Variants in UST observed in about 807,000 individuals in gnomAD.
The protein encoded by UST is uronyl 2-sulfotransferase.
In UST, 21 loss-of-function variants were observed where a neutral mutation model predicts 45.6. The ratio of observed to expected loss-of-function variants is 0.46; its 90% confidence interval spans 0.33 to 0.66. The LOEUF is 0.66. Ranked by LOEUF, UST falls within the 30% of genes least tolerant of loss-of-function variation. The probability of loss-of-function intolerance (pLI) is 0.02; values close to 1 mark genes in which losing one functional copy is unlikely to be tolerated. For synonymous variants in UST, 215 were observed against 200.6 expected (o/e 1.07, Z -0.61); for missense variants, 463 against 512.4 (o/e 0.90, Z 0.93).
In UST at chr6:148,747,688, T is replaced by C. The variant is rs770799676; in HGVS notation, c.247+11T>C. The stretch of plus-strand genomic sequence containing the variant: ...TGCGGCAGTACTTGGGTAAGGAAGC[T>C]GGGCAGGCGCTAGGGCGGCGCCGAC... On this transcript the variant is annotated intron_variant, in intron 1 of 7. Transcript: ENST00000367463. The C allele has an allele frequency of 5.0e-6, 8 of 1,586,154 alleles. No homozygotes were observed. In the East Asian group the frequency reaches 1.2e-4, roughly 23 times the overall value.
intron 2 of UST, among the ~76,000 whole-genome samples, chr6:148,899,235 G>A (rs1193462228): frequency 6.7e-6 from 1 of 150,074 alleles, no homozygotes; most frequent in Non-Finnish European, 1.5e-5. Flanking sequence ...AAGTAGCTGG[G>A]ACTACAGGCA....
intron 1 of UST, among the ~76,000 whole-genome samples, chr6:148,827,654 G>A (rs570893960): frequency 5.3e-5 from 8 of 149,578 alleles, no homozygotes; most frequent in Admixed American, 4.7e-4. Flanking sequence ...CTCCCGAAGA[G>A]AGGATTCAGT....
At chr6:148,759,553 AAAAT>A (rs1776166389) in intron 1 of UST, among the ~76,000 whole-genome samples, 1 of 145,640 alleles carries the variant, frequency 6.9e-6, no homozygotes, top group Admixed American at 6.9e-5. Flanking sequence ...TAAAAATAAA[AAAAT>A]AAAAGAATGC....
At chr6:149,072,472 G>T (rs1011160635) in intron 7 of UST, among the ~76,000 whole-genome samples, 1 of 151,996 alleles carries the variant, frequency 6.6e-6, no homozygotes, top group African/African-American at 2.4e-5. Flanking sequence ...TGACCAACAT[G>T]GAGAAACCCC....
At chr6:148,788,009 T>C (rs113015584) in intron 1 of UST, among the ~76,000 whole-genome samples, 2,513 of 152,310 alleles carry the variant, frequency 0.016, 34 homozygotes, top group Non-Finnish European at 0.026. Context: ...GATAAAGATG[T>C]ACCCGAGACT....
intron 4 of UST, among the ~76,000 whole-genome samples, chr6:148,959,929 A>G (rs149030845): frequency 6.6e-6 from 1 of 151,898 alleles, no homozygotes; most frequent in Non-Finnish European, 1.5e-5. Flanking sequence ...CCTCCCCACC[A>G]TGCTGGCCCC....
rs934725867 is a variant in UST at position 148,998,677 on chromosome 6, C to T, written c.682-20462C>T. Among the ~76,000 whole-genome samples the T allele has an allele frequency of 2.0e-5, 3 of 152,210 alleles. No homozygotes were observed. The East Asian group carries it at 5.8e-4, about 29-fold the overall frequency. On this transcript the variant is annotated intron_variant, in intron 5 of 7. Coordinates refer to ENST00000367463, the MANE Select transcript of UST (RefSeq NM_005715.3). ...TAGCGGGTAGGGATGCGGGCCCATCCATAAACCCGACCTCCTGCTTATTTT... is the reference window on the plus strand; with the variant it reads ...TAGCGGGTAGGGATGCGGGCCCATCTATAAACCCGACCTCCTGCTTATTTT...
chr6:148,784,469 G>A (rs577027307), intron 1 of UST, among the ~76,000 whole-genome samples: 13 of 152,222 alleles, frequency 8.5e-5, no homozygotes, highest in Non-Finnish European at 1.9e-4. Context: ...ACCAGTGAGT[G>A]AGCTGTGTAC....
intron 5 of UST, among the ~76,000 whole-genome samples, chr6:149,004,510 A>G (rs1011641862): frequency 6.6e-6 from 1 of 152,238 alleles, no homozygotes; most frequent in African/African-American, 2.4e-5. Context: ...ATGGTGCCCC[A>G]GGAAGGGGCC....
At chr6:148,985,534 G>A (rs931325507) in intron 5 of UST, among the ~76,000 whole-genome samples, 9 of 152,148 alleles carry the variant, frequency 5.9e-5, no homozygotes, top group Non-Finnish European at 1.2e-4. Context: ...TCTAAAATGA[G>A]AATAGAAAAC....
chr6:148,859,457 G>C (rs907400413), intron 1 of UST, among the ~76,000 whole-genome samples: 2 of 152,178 alleles, frequency 1.3e-5, no homozygotes, highest in Non-Finnish European at 2.9e-5. Flanking sequence ...TGTTCACTCT[G>C]ATGGTAGTTT....
At chr6:148,884,026 G>A (rs548269134) in intron 1 of UST, among the ~76,000 whole-genome samples, 4 of 151,950 alleles carry the variant, frequency 2.6e-5, no homozygotes, top group Non-Finnish European at 4.4e-5. Flanking sequence ...CCAGCTGCTC[G>A]GGAGGCTGAG....
chr6:148,824,692 A>G lies in UST; in HGVS notation c.248-62294A>G, dbSNP rs1028376590. Among the ~76,000 whole-genome samples the G allele has an allele frequency of 4.5e-5, 3 of 66,176 alleles. No individual in the cohort carries two copies. In the South Asian group the frequency reaches 1.3e-3, roughly 30 times the overall value. The allele number at this position is 66,176 out of a possible 152,430, so 43.4% of individuals were successfully genotyped here. On this transcript the variant is annotated intron_variant, in intron 1 of 7. Transcript: ENST00000367463. ...TTTCTTTCTTTTTTTTTTTTTTTTT[A>G]TTATACTCTAAGTTTTAGGGTACAT...
At chr6:149,030,875 G>A (rs1474658041) in intron 7 of UST, among the ~76,000 whole-genome samples, 3 of 152,102 alleles carry the variant, frequency 2.0e-5, no homozygotes, top group Non-Finnish European at 2.9e-5. Flanking sequence ...TTGCGGGGAC[G>A]TAGGGAATAG....
chr6:148,824,050 T>C lies in UST; in HGVS notation c.248-62936T>C, dbSNP rs572088044. Among the ~76,000 whole-genome samples, 5 of 152,358 alleles carry C rather than the reference T, an allele frequency of 3.3e-5. No homozygotes were observed. In the East Asian group the frequency reaches 7.7e-4, roughly 23 times the overall value. On this transcript the variant is annotated intron_variant, in intron 1 of 7. Coordinates refer to ENST00000367463, the MANE Select transcript of UST (RefSeq NM_005715.3). ...GAGGAAGGAAATGAGAGTGGAGGAC[T>C]AATAATAGCAGGAAAATTTGAAGAT...
At chr6:148,756,001 C>T (rs542359275) in intron 1 of UST, among the ~76,000 whole-genome samples, 2 of 115,116 alleles carry the variant, frequency 1.7e-5, no homozygotes, top group East Asian at 3.1e-4. Flanking sequence ...TGCTATCCCT[C>T]CCCCCTCCCC....
intron 1 of UST, among the ~76,000 whole-genome samples, chr6:148,768,572 T>C (rs778548785): frequency 6.6e-6 from 1 of 152,226 alleles, no homozygotes; most frequent in Non-Finnish European, 1.5e-5. Flanking sequence ...TCTCATTCTA[T>C]TGTTATTTCA....
At chr6:148,772,015 G>A (rs745778608) in intron 1 of UST, among the ~76,000 whole-genome samples, 6 of 152,122 alleles carry the variant, frequency 3.9e-5, no homozygotes, top group Non-Finnish European at 8.8e-5. Context: ...CCCAGAAATG[G>A]GGACATGTTC....
intron 2 of UST, among the ~76,000 whole-genome samples, chr6:148,895,397 C>T (rs531453701): frequency 5.9e-5 from 9 of 152,152 alleles, no homozygotes; most frequent in Non-Finnish European, 8.8e-5. Context: ...CCTGTTGCCA[C>T]ACAACAGAGG....
Sources: gnomAD v4.1 joint callset for allele counts (sites outside exome capture counted in the v4.1 genomes callset) on GRCh38, gnomAD v4.1.1 for gene constraint, MANE v1.5 for transcripts, NCBI Gene and HGNC (gene_info 2026-07-23, HGNC 2026-07-21) for gene names.